Variants in ADGRL4 observed in about 807,000 individuals in gnomAD.
The protein encoded by ADGRL4 is adhesion G protein-coupled receptor L4, also known as EGF, latrophilin and seven transmembrane domain containing 1.
A neutral mutation model predicts 74.8 loss-of-function variants in ADGRL4; 90 were observed. That is an observed-to-expected ratio of 1.20 (90% CI 1.02 to 1.43). ADGRL4 has a LOEUF of 1.43. Among genes scored for constraint, ADGRL4 ranks in the 40% most tolerant of loss-of-function variants. ADGRL4 has a pLI of 0.00. For missense variants in ADGRL4, 881 were observed against 814.3 expected, an observed-to-expected ratio of 1.08 and a Z score of -1.00; for synonymous variants, 311 against 279.2, an observed-to-expected ratio of 1.11 and a Z score of -1.14.
At chr1:78,928,652 A>G (rs1242712702) in intron 7 of ADGRL4, among the ~76,000 whole-genome samples, 2 of 151,470 alleles carry the variant, frequency 1.3e-5, no homozygotes, top group East Asian at 1.9e-4. Context: ...TTGATAGAAC[A>G]TATATCTGAG....
At chr1:78,997,105 C>A (rs917836848) in intron 2 of ADGRL4, among the ~76,000 whole-genome samples, 2 of 151,962 alleles carry the variant, frequency 1.3e-5, no homozygotes, top group Non-Finnish European at 2.9e-5. Flanking sequence ...CATTGATGAT[C>A]ACCTTGTTTA....
intron 2 of ADGRL4, among the ~76,000 whole-genome samples, chr1:78,948,599 T>C (rs554821131): frequency 6.6e-6 from 1 of 152,194 alleles, no homozygotes; most frequent in South Asian, 2.1e-4. Flanking sequence ...GCGGAAGAGT[T>C]AATACTTTAT....
intron 2 of ADGRL4, among the ~76,000 whole-genome samples, chr1:78,979,021 T>A (rs11162584): frequency 0.29 from 43,821 of 151,832 alleles, 6,379 homozygotes; most frequent in Middle Eastern, 0.32. Context: ...AGAACACATT[T>A]CTAAATGTGT....
In ADGRL4 at chr1:78,891,543, A is replaced by C; in HGVS notation, c.1991T>G (p.Leu664Arg). ...GTTTACCTTTCTAGATAAAACACAC[A>C]GGAATAAAAAAATGAACATCCCCTG... ...AFQGMFIFLF[L>R]CVLSRKIQEE... is the part of the protein sequence containing the mutation. Residue 664 changes from leucine to arginine, a missense_variant, in exon 14 of 15, where the codon CTG becomes CGG. Transcript: ENST00000370742. The C allele has an allele frequency of 6.2e-7, 1 of 1,613,214 alleles. No homozygotes were observed. The highest frequency in any genetic ancestry group is 8.5e-7 in the Non-Finnish European group (1 of 1,179,652).
intron 2 of ADGRL4, among the ~76,000 whole-genome samples, chr1:78,962,367 A>T (rs1649972353): frequency 6.6e-6 from 1 of 152,074 alleles, no homozygotes; most frequent in Non-Finnish European, 1.5e-5. Context: ...GCTACTAGAC[A>T]TTTCCATTTA....
At chr1:78,907,966 C>T (rs930869604) in intron 12 of ADGRL4, among the ~76,000 whole-genome samples, 1 of 151,888 alleles carries the variant, frequency 6.6e-6, no homozygotes, top group Non-Finnish European at 1.5e-5. Flanking sequence ...ATACTTATTC[C>T]TTGGGAAGCC....
At chr1:78,926,859 C>A in intron 8 of ADGRL4, 27 bp downstream of exon 8, 1 of 1,531,410 alleles carries the variant, frequency 6.5e-7, no homozygotes, top group South Asian at 1.1e-5. Flanking sequence ...ACAATCATAG[C>A]CAATAACTAC....
At chr1:78,927,734 C>A (rs1027654373) in intron 7 of ADGRL4, among the ~76,000 whole-genome samples, 2 of 152,024 alleles carry the variant, frequency 1.3e-5, no homozygotes, top group Non-Finnish European at 1.5e-5. Context: ...TTAATATCAT[C>A]AAATAAAAGG....
intron 7 of ADGRL4, among the ~76,000 whole-genome samples, chr1:78,927,935 A>T (rs1018184068): frequency 1.4e-5 from 2 of 146,980 alleles, no homozygotes; most frequent in Non-Finnish European, 2.9e-5. Context: ...GATTTTCCTC[A>T]AGTGTCGTCT....
chr1:78,927,157 T>A, intron 7 of ADGRL4, 66 bp from the exon 8 acceptor site: 1 of 1,064,528 alleles, frequency 9.4e-7, no homozygotes, highest in South Asian at 1.5e-5. Context: ...ACTCTTAAGA[T>A]AAACATAAAA....
intron 2 of ADGRL4, among the ~76,000 whole-genome samples, chr1:78,998,907 G>A (rs1270762439): frequency 1.3e-5 from 2 of 152,104 alleles, no homozygotes; most frequent in Non-Finnish European, 2.9e-5. Flanking sequence ...TTACTTCAGA[G>A]AACTATTGTG....
intron 2 of ADGRL4, among the ~76,000 whole-genome samples, chr1:78,994,978 C>T (rs564431379): frequency 6.6e-6 from 1 of 152,186 alleles, no homozygotes; most frequent in African/African-American, 2.4e-5. Flanking sequence ...GGAATTGCAA[C>T]ACAAAGATCA....
chr1:79,001,228 AG>A lies in ADGRL4; in HGVS notation c.172+3841del, dbSNP rs1487916890. 1.8e-4 allele frequency among the ~76,000 whole-genome samples: 6 copies of A among 32,826 alleles called. No individual in the cohort carries two copies. The Admixed American group carries it at 2.3e-3, about 13-fold the overall frequency. 21.5% of individuals were successfully genotyped at this position (32,826 alleles called of 152,430 possible). A position where few individuals can be genotyped will look rare whatever the true frequency, so the allele number is the denominator to read the frequency against. On this transcript the variant is annotated intron_variant, in intron 2 of 14. Coordinates refer to ENST00000370742, the MANE Select transcript of ADGRL4 (RefSeq NM_022159.4). The stretch of plus-strand genomic sequence containing the variant: ...AAGGAAGGGAGGAAGGGAGAGAGGG[AG>A]GGAGGGAGGGAGGGAGGAAGGAAGG...
intron 2 of ADGRL4, among the ~76,000 whole-genome samples, chr1:78,955,534 A>G (rs1399161373): frequency 6.6e-6 from 1 of 152,030 alleles, no homozygotes; most frequent in Non-Finnish European, 1.5e-5. Context: ...AATGTTTAAT[A>G]GTACTTTTGT....
At chr1:78,987,645 TAATA>T (rs1650525371) in intron 2 of ADGRL4, among the ~76,000 whole-genome samples, 1 of 151,818 alleles carries the variant, frequency 6.6e-6, no homozygotes, top group South Asian at 2.1e-4. Flanking sequence ...ATTGGAACAC[TAATA>T]GTTAGGTTCG....
At chr1:78,948,590 C>T (rs184834579) in intron 2 of ADGRL4, among the ~76,000 whole-genome samples, 373 of 151,930 alleles carry the variant, frequency 2.5e-3, no homozygotes, top group African/African-American at 8.3e-3. Flanking sequence ...CTATAAAATG[C>T]GGAAGAGTTA....
In ADGRL4 at chr1:79,005,232, G is replaced by C. The variant is rs763536413; in HGVS notation, c.23-13C>G. The C allele has an allele frequency of 6.3e-7, 1 of 1,591,852 alleles. No homozygotes were observed. Among genetic ancestry groups the C allele is most frequent in the East Asian group, 2.3e-5 (1 of 44,240 alleles). ...GTGGAAAAAACCACTAAATAAAATA[G>C]AGAAATACACCTTTTCAAAAAGTAA... On this transcript the variant is annotated splice_polypyrimidine_tract_variant and intron_variant, in intron 1 of 14. Transcript: ENST00000370742.
intron 2 of ADGRL4, among the ~76,000 whole-genome samples, chr1:78,958,237 C>T (rs1378527437): frequency 1.3e-5 from 2 of 152,110 alleles, no homozygotes; most frequent in Non-Finnish European, 2.9e-5. Flanking sequence ...AACATCCATT[C>T]TGCAGCTCAG....
chr1:78,977,087 G>C lies in ADGRL4; in HGVS notation c.172+27983C>G, dbSNP rs577479938. ...CATGACTAAGTTGGGTTTATCTCAA[G>C]GGTGTTAGCATAAAAGTTAAATTAT... is the stretch of plus-strand genomic sequence containing the variant. On this transcript the variant is annotated intron_variant, in intron 2 of 14. Coordinates refer to ENST00000370742, the MANE Select transcript of ADGRL4 (RefSeq NM_022159.4). 1.5e-3 allele frequency among the ~76,000 whole-genome samples: 234 copies of C among 151,588 alleles called. 2 individuals are homozygous for C. The highest frequency in any genetic ancestry group is 2.2e-3 in the Non-Finnish European group (147 of 67,668).
Sources: gnomAD v4.1 joint callset for allele counts (sites outside exome capture counted in the v4.1 genomes callset) on GRCh38, gnomAD v4.1.1 for gene constraint, MANE v1.5 for transcripts, NCBI Gene and HGNC (gene_info 2026-07-23, HGNC 2026-07-21) for gene names.